The following TTBK2 variants were observed in gnomAD, a reference collection of about 807,000 sequenced individuals.
The protein encoded by TTBK2 is tau-tubulin kinase 2.
Under a neutral mutation model 110.8 loss-of-function variants are expected in TTBK2, and 28 were observed. The observed-to-expected ratio is 0.25, with a 90% CI of 0.19 to 0.35. TTBK2 has a LOEUF of 0.35. Among genes scored for constraint, TTBK2 ranks in the 10% least tolerant of loss-of-function variants. The probability of loss-of-function intolerance (pLI) is 1.00; values close to 1 mark genes in which losing one functional copy is unlikely to be tolerated. For missense variants in TTBK2, 1,369 were observed against 1,500.3 expected (o/e 0.91, Z 1.45); for synonymous variants, 532 against 527.3 (o/e 1.01, Z -0.12).
intron 1 of TTBK2, among the ~76,000 whole-genome samples, chr15:42,879,996 C>CAAAAAAAAAAAAAAAAAAAAAA (rs71108186): frequency 1.3e-5 from 1 of 74,464 alleles, no homozygotes. Flanking sequence ...GATCCTGTCT[C>CAAAAAAAAAAAAAAAAAAAAAA]AAAAAAAAAA....
rs750586449 is a variant in TTBK2, at chr15:42,872,725, T to C, written c.103A>G (p.Ile35Val). The change falls in exon 3 of 15, where the codon ATT becomes GTT. Residue 35 changes from isoleucine to valine, a missense_variant. Transcript: ENST00000267890. Reference protein sequence around the residue: ...RKIGGGGFGEIYDALDMLTRE... With the variant: ...RKIGGGGFGEVYDALDMLTRE... Reference sequence around the variant, plus strand: ...GTGAGCATGTCCAAGGCATCGTAAATTTCTCCAAAGCCCCCACCCCCAATC... The same window carrying C: ...GTGAGCATGTCCAAGGCATCGTAAACTTCTCCAAAGCCCCCACCCCCAATC... 19 of 1,613,900 alleles carry C rather than the reference T, an allele frequency of 1.2e-5. No homozygotes were observed. The highest frequency in any genetic ancestry group is 1.5e-5 in the Non-Finnish European group (18 of 1,180,002).
At position 42,913,281 on chromosome 15, in the gene TTBK2, G is replaced by A. The variant is rs1019082413; in HGVS notation, c.-68+7157C>T. Among the ~76,000 whole-genome samples the A allele has an allele frequency of 1.3e-3, 200 of 152,252 alleles. 1 individual carries two copies. The highest frequency in any genetic ancestry group is 2.2e-4 in the Non-Finnish European group (15 of 68,008). On this transcript the variant is annotated intron_variant, in intron 1 of 14. Transcript: ENST00000267890. The stretch of plus-strand genomic sequence containing the variant: ...TTCAACTGTTCTTTATCAACTTTCA[G>A]GGGAGGTAAATTATACTTTGGGCAA...
intron 3 of TTBK2, chr15:42,840,692 G>T: frequency 1.9e-6 from 1 of 523,328 alleles, no homozygotes. Context: ...CAAATGTATG[G>T]TAACTTATTT....
At chr15:42,760,893 A>C (rs1020214874) in intron 13 of TTBK2, among the ~76,000 whole-genome samples, 1 of 152,204 alleles carries the variant, frequency 6.6e-6, no homozygotes, top group Non-Finnish European at 1.5e-5. Context: ...AAAGAAAACA[A>C]AACAAAAGTT....
chr15:42,868,370 G>A (rs560292231), intron 3 of TTBK2, among the ~76,000 whole-genome samples: 40 of 152,086 alleles, frequency 2.6e-4, no homozygotes, highest in Non-Finnish European at 5.3e-4. Context: ...TGATAATGAT[G>A]TATCAATGTA....
rs1891641977 is a variant in TTBK2, at chr15:42,810,094, G to C, written c.822+520C>G. On this transcript the variant is annotated intron_variant, in intron 9 of 14. Coordinates refer to ENST00000267890, the MANE Select transcript of TTBK2 (RefSeq NM_173500.4). ...TCTGAAATACCGCTGGTTGGGGTTA[G>C]GGATGTAATTTGTAGTAAACCTAGT... is the stretch of plus-strand genomic sequence containing the variant. Among the ~76,000 whole-genome samples, 3 of 152,186 alleles carry C rather than the reference G, an allele frequency of 2.0e-5. No homozygotes were observed. In the South Asian group the frequency reaches 6.2e-4, roughly 31 times the overall value.
intron 13 of TTBK2, among the ~76,000 whole-genome samples, chr15:42,763,276 C>T (rs1179746160): frequency 4.3e-5 from 5 of 115,094 alleles, no homozygotes; most frequent in Admixed American, 2.1e-4. Flanking sequence ...GCACAGAGTG[C>T]GATCTTTGCT....
At position 42,746,009 on chromosome 15, in the gene TTBK2, G is replaced by C; in HGVS notation, c.3521C>G (p.Pro1174Arg). Residue 1174 changes from proline to arginine, a missense_variant, in exon 15 of 15, where the codon CCC becomes CGC. Pro to Arg is a moderately radical substitution (Grantham distance 103). This residue lies in a region of TTBK2 where 1,097 missense variants were observed against 1,114.7 expected (regional missense o/e 0.98). Coordinates refer to ENST00000267890, the MANE Select transcript of TTBK2 (RefSeq NM_173500.4). ...GGACGAACTCCTCTGGTCATGGTGG[G>C]GCCGTCCAGCCCTAGATGGTGAGGA... ...SSSSPSRAGR[P>R]HHDQRSSSPH... 2.5e-6 allele frequency: 4 copies of C among 1,614,134 alleles called. No individual in the cohort carries two copies. The South Asian group carries it at 4.4e-5, about 18-fold the overall frequency.
chr15:42,902,290 G>A (rs1045910294), intron 1 of TTBK2, among the ~76,000 whole-genome samples: 3 of 151,850 alleles, frequency 2.0e-5, no homozygotes, highest in African/African-American at 7.3e-5. Context: ...GGAGGCCGAG[G>A]TGGGTGGATC....
In TTBK2 at chr15:42,896,438, T is replaced by C. The variant is rs762325776; in HGVS notation, c.-67-17754A>G. 5.9e-5 allele frequency among the ~76,000 whole-genome samples: 9 copies of C among 152,176 alleles called. 1 individual carries two copies. The highest frequency in any genetic ancestry group is 8.8e-5 in the Non-Finnish European group (6 of 68,008). On this transcript the variant is annotated intron_variant, in intron 1 of 14. Coordinates refer to ENST00000267890, the MANE Select transcript of TTBK2 (RefSeq NM_173500.4). ...GTAAAAAACAGAACCCCTGTCTAAA[T>C]CTCACACTCTACACAAAATGTAACT...
In TTBK2 at chr15:42,775,277, G is replaced by T; in HGVS notation, c.1856C>A (p.Ala619Glu). The T allele has an allele frequency of 1.2e-6, 2 of 1,614,196 alleles. No homozygotes were observed. Among genetic ancestry groups the T allele is most frequent in the Non-Finnish European group, 1.7e-6 (2 of 1,180,034 alleles). ...LKKETSGVVLALSAEGPPTAA... is the reference protein window; with the variant it reads ...LKKETSGVVLELSAEGPPTAA... ...AGTAGGAGGACCCTCTGCAGAAAGTGCTAAGACCACACCTGAGGTTTCCTT... is the reference window on the plus strand; with the variant it reads ...AGTAGGAGGACCCTCTGCAGAAAGTTCTAAGACCACACCTGAGGTTTCCTT... Residue 619 changes from alanine to glutamate, a missense_variant, in exon 13 of 15, where the codon GCA (alanine) becomes GAA (glutamate). Transcript: ENST00000267890.
At position 42,792,826 on chromosome 15, in the gene TTBK2, A is replaced by G. The variant is rs576282040; in HGVS notation, c.980+1818T>C. Among the ~76,000 whole-genome samples, 8 of 152,298 alleles carry G rather than the reference A, an allele frequency of 5.3e-5. No individual in the cohort carries two copies. The East Asian group carries it at 7.7e-4, about 15-fold the overall frequency. On this transcript the variant is annotated intron_variant, in intron 10 of 14. Coordinates refer to ENST00000267890, the MANE Select transcript of TTBK2 (RefSeq NM_173500.4). ...ATCTTCTACAAGTTACGCTGAGGAC[A>G]TGGTTTTTCTGTGTAGCTTTAGTTT...
intron 6 of TTBK2, among the ~76,000 whole-genome samples, chr15:42,818,580 T>G (rs1322386001): frequency 1.3e-5 from 2 of 151,346 alleles, no homozygotes; most frequent in African/African-American, 4.9e-5. Context: ...ATTAGCCGGG[T>G]GTGGTGGCAG....
intron 1 of TTBK2, among the ~76,000 whole-genome samples, chr15:42,912,852 G>A (rs537271961): frequency 8.5e-5 from 13 of 152,078 alleles, no homozygotes; most frequent in African/African-American, 2.2e-4. Context: ...TAGGCCGGGC[G>A]CGGTGGCTCA....
At chr15:42,766,445 G>GAAAAAAAAAAAAAAA (rs1424460257) in intron 13 of TTBK2, among the ~76,000 whole-genome samples, 6 of 15,142 alleles carry the variant, frequency 4.0e-4, no homozygotes, top group Non-Finnish European at 6.1e-4. Context: ...CGAATGGAAA[G>GAAAAAAAAAAAAAAA]CAAAAAAAAA....
At position 42,745,993 on chromosome 15, in the gene TTBK2, C is replaced by T; in HGVS notation, c.3537G>A (p.Arg1179=). 6.2e-7 allele frequency: 1 copy of T among 1,614,082 alleles called. No homozygotes were observed. The highest frequency in any genetic ancestry group is 1.1e-5 in the South Asian group (1 of 91,056). The change falls in exon 15 of 15, where the codon AGG becomes AGA. Residue 1179 remains arginine, a synonymous_variant. Coordinates refer to ENST00000267890, the MANE Select transcript of TTBK2 (RefSeq NM_173500.4). ...SRAGRPHHDQ[R]SSSPHLGRSK... is the part of the protein sequence containing the mutation. ...TTCTCCCCAGATGTGGGGACGAACTCCTCTGGTCATGGTGGGGCCGTCCAG... is the reference window on the plus strand; with the variant it reads ...TTCTCCCCAGATGTGGGGACGAACTTCTCTGGTCATGGTGGGGCCGTCCAG...
intron 3 of TTBK2, among the ~76,000 whole-genome samples, chr15:42,842,721 TAAA>T (rs201241380): frequency 1.5e-5 from 2 of 133,900 alleles, no homozygotes; most frequent in Non-Finnish European, 3.3e-5. Flanking sequence ...CCCCTTCCCC[TAAA>T]AAAAAAAAAA....
At chr15:42,857,108 A>G (rs1273473529) in intron 3 of TTBK2, among the ~76,000 whole-genome samples, 1 of 152,178 alleles carries the variant, frequency 6.6e-6, no homozygotes, top group Non-Finnish European at 1.5e-5. Context: ...AGTTGTAACA[A>G]CTGTATCACA....
intron 3 of TTBK2, among the ~76,000 whole-genome samples, chr15:42,847,899 T>C (rs1893533961): frequency 6.6e-6 from 1 of 152,218 alleles, no homozygotes; most frequent in African/African-American, 2.4e-5. Context: ...GTCACCTAGG[T>C]TGGAGTATGG....
Sources: gnomAD v4.1 joint callset for allele counts (sites outside exome capture counted in the v4.1 genomes callset) on GRCh38, gnomAD v4.1.1 for gene constraint, gnomAD v4.1.1 regional missense constraint, MANE v1.5 for transcripts, NCBI Gene and HGNC (gene_info 2026-07-23, HGNC 2026-07-21) for gene names.